Variants in PAQR5 observed in about 807,000 individuals in gnomAD.
The protein encoded by PAQR5 is progestin and adipoQ receptor family member 5, also known as membrane progestin receptor gamma.
In PAQR5, 20 loss-of-function variants were observed where a neutral mutation model predicts 34.5. The ratio of observed to expected loss-of-function variants is 0.58; its 90% CI spans 0.41 to 0.84. PAQR5 has a LOEUF of 0.84. Among genes scored for constraint, PAQR5 ranks in the 40% least tolerant of loss-of-function variants. The pLI, the probability that PAQR5 is intolerant of heterozygous loss-of-function variation, is 0.00. For missense variants in PAQR5, 378 were observed against 412.7 expected, an observed-to-expected ratio of 0.92 and a Z score of 0.73; for synonymous variants, 131 against 155.6, an observed-to-expected ratio of 0.84 and a Z score of 1.18.
chr15:69,379,449 C>A (rs1260736981), intron 3 of PAQR5: 1 of 985,444 alleles, frequency 1.0e-6, no homozygotes, highest in Non-Finnish European at 1.2e-6. Flanking sequence ...CCGGGGGCAT[C>A]TTCTGCAGAG....
chr15:69,389,271 C>G (rs957642976), intron 5 of PAQR5, among the ~76,000 whole-genome samples: 2 of 152,234 alleles, frequency 1.3e-5, no homozygotes, highest in African/African-American at 4.8e-5. Flanking sequence ...ACTAACCTGT[C>G]TGGGTTTGAA....
At position 69,355,586 on chromosome 15, in the gene PAQR5, A is replaced by G. The variant is rs374615834; in HGVS notation, c.-115-4380A>G. Among the ~76,000 whole-genome samples the G allele has an allele frequency of 3.3e-5, 5 of 151,088 alleles. No individual in the cohort carries two copies. The East Asian group carries it at 9.8e-4, about 30-fold the overall frequency. The stretch of plus-strand genomic sequence containing the variant: ...CAGGCATTCGCCACCACGCCCAGCT[A>G]ATTTTTGTATTTTTAGTAGAAACAG... On this transcript the variant is annotated intron_variant, in intron 2 of 8. Transcript: ENST00000395407.
At chr15:69,370,807 C>T (rs1021049416) in intron 3 of PAQR5, among the ~76,000 whole-genome samples, 5 of 152,210 alleles carry the variant, frequency 3.3e-5, no homozygotes, top group Non-Finnish European at 7.3e-5. Flanking sequence ...AGGAGTGAAC[C>T]ACTGTGCCAG....
At chr15:69,302,807 T>C (rs117586126) in intron 1 of PAQR5, among the ~76,000 whole-genome samples, 5,447 of 152,242 alleles carry the variant, frequency 0.036, 206 homozygotes, top group East Asian at 0.12. Context: ...GAGCTGTCCC[T>C]GTACTCACGC....
At chr15:69,313,924 G>A (rs1300780332) in intron 1 of PAQR5, among the ~76,000 whole-genome samples, 1 of 152,140 alleles carries the variant, frequency 6.6e-6, no homozygotes, top group Non-Finnish European at 1.5e-5. Flanking sequence ...GGGCAGGGTG[G>A]GGAGTGGGTG....
rs34728909 is a variant in PAQR5, at chr15:69,346,297, A to ATTTTTT, written c.-116+8817_-116+8822dup. Among the ~76,000 whole-genome samples the ATTTTTT allele has an allele frequency of 3.2e-4, 26 of 81,488 alleles. 2 individuals are homozygous for ATTTTTT. The highest frequency in any genetic ancestry group is 7.5e-4 in the African/African-American group (14 of 18,664). The allele number at this position is 81,488 out of a possible 152,430, so 53.5% of individuals were successfully genotyped here. ...TGTGATTGGCCATGGATATTTTGTA[A>ATTTTTT]TTTTTTTTTTTTTTTTTTTTTTTTT... On this transcript the variant is annotated intron_variant, in intron 2 of 8. Coordinates refer to ENST00000395407, the MANE Select transcript of PAQR5 (RefSeq NM_017705.4).
chr15:69,388,133 C>T (rs927146718), intron 5 of PAQR5, among the ~76,000 whole-genome samples: 1 of 152,200 alleles, frequency 6.6e-6, no homozygotes, highest in African/African-American at 2.4e-5. Flanking sequence ...CTGCCCCTGC[C>T]TCCCTCCTCC....
chr15:69,355,333 TTTCTTTCTTTTTTTCTTTCTTTC>T (rs2055038741), intron 2 of PAQR5, among the ~76,000 whole-genome samples: 4 of 51,884 alleles, frequency 7.7e-5, no homozygotes, highest in African/African-American at 3.1e-4. Context: ...TCTTTCTTTC[TTTCTTTCTTTTTTTCTTTCTTTC>T]TTTCTTTCTT....
intron 1 of PAQR5, among the ~76,000 whole-genome samples, chr15:69,327,156 T>TTTATTATTATTA (rs113422954): frequency 3.2e-4 from 48 of 151,534 alleles, no homozygotes; most frequent in African/African-American, 1.1e-3. Context: ...GGCTAATTTC[T>TTTATTATTATTA]TTATTATTAT....
intron 8 of PAQR5, among the ~76,000 whole-genome samples, chr15:69,402,542 T>G (rs2056666624): frequency 6.6e-6 from 1 of 151,988 alleles, no homozygotes. Context: ...GGTCTCTATC[T>G]CCTGACCTCG....
intron 1 of PAQR5, among the ~76,000 whole-genome samples, chr15:69,319,566 G>A (rs545100061): frequency 2.6e-4 from 40 of 152,060 alleles, no homozygotes; most frequent in East Asian, 7.8e-4. Context: ...CCACCTTGGC[G>A]GCTCTGGGTT....
intron 2 of PAQR5, among the ~76,000 whole-genome samples, chr15:69,338,020 C>T (rs780350616): frequency 7.2e-5 from 11 of 152,022 alleles, no homozygotes; most frequent in East Asian, 3.9e-4. Context: ...GAGGCTGCAG[C>T]GAGCTGAGAT....
chr15:69,301,752 T>G (rs550563880), intron 1 of PAQR5, among the ~76,000 whole-genome samples: 77 of 152,148 alleles, frequency 5.1e-4, no homozygotes, highest in African/African-American at 1.8e-3. Flanking sequence ...CTCAGCATCT[T>G]GGCATCCCTC....
chr15:69,348,313 G>T (rs2054825221), intron 2 of PAQR5, among the ~76,000 whole-genome samples: 1 of 152,196 alleles, frequency 6.6e-6, no homozygotes, highest in Non-Finnish European at 1.5e-5. Context: ...TATGAAGAAA[G>T]TACTGCGATT....
At chr15:69,331,341 A>G (rs944306291) in intron 1 of PAQR5, among the ~76,000 whole-genome samples, 2 of 152,224 alleles carry the variant, frequency 1.3e-5, no homozygotes, top group Admixed American at 6.5e-5. Context: ...ACTAGTAAGA[A>G]GAGTCTTGGT....
chr15:69,358,380 C>T (rs909979296), intron 2 of PAQR5, among the ~76,000 whole-genome samples: 7 of 152,102 alleles, frequency 4.6e-5, no homozygotes, highest in Non-Finnish European at 2.9e-5. Context: ...CTCTGGTCAG[C>T]TTTCTGGAAG....
chr15:69,389,841 A>C (rs1258812262), intron 6 of PAQR5, 61 bp downstream of exon 6: 2 of 1,585,718 alleles, frequency 1.3e-6, no homozygotes, highest in Admixed American at 3.4e-5. Context: ...AGCTCCCTGC[A>C]CTCTTTGAGG....
At chr15:69,338,548 A>G (rs2054564360) in intron 2 of PAQR5, among the ~76,000 whole-genome samples, 1 of 151,980 alleles carries the variant, frequency 6.6e-6, no homozygotes, top group Non-Finnish European at 1.5e-5. Flanking sequence ...AAGCGGTTCC[A>G]CTCTTCTCAC....
At chr15:69,311,038 CAAAAAATAAAAAA>C (rs1280854102) in intron 1 of PAQR5, among the ~76,000 whole-genome samples, 11 of 36,148 alleles carry the variant, frequency 3.0e-4, no homozygotes, top group African/African-American at 6.4e-4. Flanking sequence ...GACTCCGTCG[CAAAAAATAAAAAA>C]AAAAAAAAAA....
Sources: allele counts gnomAD v4.1 joint callset (sites outside exome capture counted in the v4.1 genomes callset), GRCh38; gene constraint gnomAD v4.1.1; transcripts MANE v1.5; gene names NCBI Gene and HGNC (gene_info 2026-07-23, HGNC 2026-07-21).